Variants in IQCB1 observed in about 807,000 individuals in gnomAD.
IQCB1 encodes IQ motif containing B1.
In IQCB1, 56 loss-of-function variants were observed where a neutral mutation model predicts 84.4. The ratio of observed to expected loss-of-function variants is 0.66; its 90% CI spans 0.54 to 0.83. The LOEUF is 0.83. Among genes scored for constraint, IQCB1 ranks in the 40% least tolerant of loss-of-function variants. The pLI is 0.00. For synonymous variants in IQCB1, 210 were observed against 234.8 expected (o/e 0.89, Z 0.96); for missense variants, 629 against 682.1 (o/e 0.92, Z 0.87).
At chr3:121,781,641 A>ACACG in intron 13 of IQCB1, 102 bp downstream of exon 13, 1 of 583,908 alleles carries the variant, frequency 1.7e-6, no homozygotes, top group Non-Finnish European at 2.5e-6. Flanking sequence ...GTACACACAC[A>ACACG]CACACACACA....
At chr3:121,832,481 C>T (rs1950680156) in intron 2 of IQCB1, among the ~76,000 whole-genome samples, 1 of 152,034 alleles carries the variant, frequency 6.6e-6, no homozygotes, top group Non-Finnish European at 1.5e-5. Context: ...CGTGTGCCAA[C>T]GTGCCCAGCT....
At chr3:121,788,233 C>T in intron 12 of IQCB1, 51 bp downstream of exon 12, 1 of 1,571,316 alleles carries the variant, frequency 6.4e-7, no homozygotes, top group East Asian at 2.2e-5. Flanking sequence ...CAGTTTTGAA[C>T]TCATGTTTTT....
intron 5 of IQCB1, among the ~76,000 whole-genome samples, chr3:121,823,672 G>C (rs1950352466): frequency 6.6e-6 from 1 of 152,176 alleles, no homozygotes; most frequent in Non-Finnish European, 1.5e-5. Context: ...AAAAAGCTGA[G>C]AGAATTCATT....
intron 5 of IQCB1, among the ~76,000 whole-genome samples, chr3:121,825,379 G>T (rs1215597907): frequency 6.6e-6 from 1 of 151,974 alleles, no homozygotes; most frequent in African/African-American, 2.4e-5. Context: ...TTCTTTTAAT[G>T]AACATTCACA....
chr3:121,794,059 T>A (rs1241088135), intron 10 of IQCB1, among the ~76,000 whole-genome samples: 2 of 152,090 alleles, frequency 1.3e-5, no homozygotes, highest in African/African-American at 4.8e-5. Flanking sequence ...GCACCTCAGA[T>A]GCTTTGGGTA....
chr3:121,819,795 A>T (rs1444449626), intron 5 of IQCB1, among the ~76,000 whole-genome samples: 2 of 152,158 alleles, frequency 1.3e-5, no homozygotes, highest in Admixed American at 1.3e-4. Flanking sequence ...AGATAATGTT[A>T]AGTTTTCTAG....
At chr3:121,784,806 C>T (rs1332327995) in intron 12 of IQCB1, among the ~76,000 whole-genome samples, 1 of 151,868 alleles carries the variant, frequency 6.6e-6, no homozygotes, top group Non-Finnish European at 1.5e-5. Flanking sequence ...TTCAGCCTCC[C>T]GAGTAGCCGG....
chr3:121,799,068 C>A, intron 8 of IQCB1, 128 bp downstream of exon 8: 1 of 641,000 alleles, frequency 1.6e-6, no homozygotes, highest in African/African-American at 1.9e-5. Flanking sequence ...GAATTGGTAT[C>A]TGTTGTGAGT....
At chr3:121,834,205 C>T (rs1410315124) in intron 2 of IQCB1, 186 bp downstream of exon 2, 1 of 152,102 alleles carries the variant, frequency 6.6e-6, no homozygotes, top group South Asian at 2.1e-4. Flanking sequence ...GACAAATGTG[C>T]CTAAGGCAGA....
intron 4 of IQCB1, among the ~76,000 whole-genome samples, chr3:121,826,840 G>C (rs1056873103): frequency 6.6e-6 from 1 of 151,958 alleles, no homozygotes. Flanking sequence ...AATAATAAAA[G>C]GTTTTTCTGT....
chr3:121,800,359 T>C (rs765046261), intron 7 of IQCB1, among the ~76,000 whole-genome samples: 99 of 152,102 alleles, frequency 6.5e-4, no homozygotes, highest in Non-Finnish European at 1.1e-3. Flanking sequence ...ATAAGACTCA[T>C]GTTTGAGCTT....
intron 13 of IQCB1, among the ~76,000 whole-genome samples, chr3:121,779,923 T>C (rs1445474278): frequency 6.6e-6 from 1 of 152,198 alleles, no homozygotes; most frequent in Non-Finnish European, 1.5e-5. Context: ...TCCAGCATAT[T>C]TGATGGGAAC....
At chr3:121,771,823 G>A (rs1948003887) in intron 14 of IQCB1, among the ~76,000 whole-genome samples, 1 of 152,214 alleles carries the variant, frequency 6.6e-6, no homozygotes, top group Middle Eastern at 3.4e-3. Context: ...CTTCATGGAT[G>A]GGATCTCTCA....
intron 6 of IQCB1, among the ~76,000 whole-genome samples, chr3:121,807,740 T>C (rs1475773685): frequency 1.3e-5 from 2 of 151,994 alleles, no homozygotes; most frequent in African/African-American, 2.4e-5. Flanking sequence ...AATCTTTTTC[T>C]TCTATCAATG....
At chr3:121,777,132 CTTTGAG>C (rs1315054057) in intron 13 of IQCB1, among the ~76,000 whole-genome samples, 1 of 152,190 alleles carries the variant, frequency 6.6e-6, no homozygotes, top group East Asian at 1.9e-4. Flanking sequence ...CTATGATCTA[CTTTGAG>C]TTACATTTTG....
At position 121,835,054 on chromosome 3, in the gene IQCB1, G is replaced by A. The variant is rs145282757; in HGVS notation, c.-190C>T. ...GCGGCCTTCCGGGGCAGCGTGCGTC[G>A]CGACGCGGGAAGGGGCCTGGAGGCG... On this transcript the variant is annotated 5_prime_UTR_variant, in exon 1 of 15. Coordinates refer to ENST00000310864, the MANE Select transcript of IQCB1 (RefSeq NM_001023570.4). 707 of 574,506 alleles carry A rather than the reference G, an allele frequency of 1.2e-3. 7 individuals are homozygous for A. The East Asian group carries it at 0.02, about 16-fold the overall frequency. 35.6% of individuals were successfully genotyped at this position (574,506 alleles called of 1,614,324 possible). A position where few individuals can be genotyped will look rare whatever the true frequency, so the allele number is the denominator to read the frequency against.
chr3:121,833,918 C>A (rs562562694), intron 2 of IQCB1: 1 of 152,138 alleles, frequency 6.6e-6, no homozygotes, highest in East Asian at 1.9e-4. Flanking sequence ...GTTCTAATTG[C>A]TTTCATGTAT....
chr3:121,798,705 C>T (rs1949293029), intron 8 of IQCB1, among the ~76,000 whole-genome samples: 1 of 151,822 alleles, frequency 6.6e-6, no homozygotes, highest in Non-Finnish European at 1.5e-5. Context: ...TCCTTTTATC[C>T]TCAAAATTTC....
intron 2 of IQCB1, among the ~76,000 whole-genome samples, chr3:121,830,035 C>T (rs1040671982): frequency 2.6e-4 from 39 of 152,004 alleles, no homozygotes; most frequent in African/African-American, 8.9e-4. Flanking sequence ...GGTGAAACCC[C>T]ATTTCTACTA....
Sources: allele counts gnomAD v4.1 joint callset (sites outside exome capture counted in the v4.1 genomes callset), GRCh38; gene constraint gnomAD v4.1.1; transcripts MANE v1.5; gene names NCBI Gene and HGNC (gene_info 2026-07-23, HGNC 2026-07-21).